The following UGT1A8 variants were observed in gnomAD, a reference collection of about 807,000 sequenced individuals.
The protein encoded by UGT1A8 is UDP glucuronosyltransferase family 1 member A8, also known as UDP-glucuronosyltransferase 1A8.
In UGT1A8, 39 loss-of-function variants were observed where a neutral mutation model predicts 45.3. The observed-to-expected ratio is 0.86, with a 90% CI of 0.67 to 1.12. The LOEUF (loss-of-function observed/expected upper bound fraction) is 1.12, where lower values mean the gene tolerates loss of function less well. UGT1A8 is among the 50% of genes most tolerant of loss of function. The probability of loss-of-function intolerance (pLI) is 0.00; values close to 1 mark genes in which losing one functional copy is unlikely to be tolerated. For missense variants in UGT1A8, 719 were observed against 664.9 expected (o/e 1.08, Z -0.90); for synonymous variants, 275 against 249.2 (o/e 1.10, Z -0.97).
intron 1 of UGT1A8, among the ~76,000 whole-genome samples, chr2:233,652,848 T>C (rs1196688009): frequency 6.6e-6 from 1 of 152,212 alleles, no homozygotes; most frequent in Non-Finnish European, 1.5e-5. Flanking sequence ...AAGCTAGAAG[T>C]GTAAAAGTTT....
chr2:233,705,136 GA>G (rs11336071), intron 1 of UGT1A8, among the ~76,000 whole-genome samples: 79,427 of 142,524 alleles, frequency 0.56, 22,601 homozygotes, highest in African/African-American at 0.75. Flanking sequence ...GACTTCGTCT[GA>G]AAAAAAAAAA....
At chr2:233,671,621 ACCTTCAAGGT>A (rs2074194586) in intron 1 of UGT1A8, among the ~76,000 whole-genome samples, 1 of 152,228 alleles carries the variant, frequency 6.6e-6, no homozygotes, top group Non-Finnish European at 1.5e-5. Flanking sequence ...ATCTTTCTGA[ACCTTCAAGGT>A]CCAAAAGCAT....
intron 1 of UGT1A8, chr2:233,717,919 A>G (rs549898457): frequency 4.4e-6 from 2 of 454,776 alleles, no homozygotes; most frequent in Admixed American, 2.3e-5. Flanking sequence ...GCCTGGATGA[A>G]TGGATACTTC....
intron 1 of UGT1A8, chr2:233,742,079 T>C (rs1691866087): frequency 6.6e-6 from 1 of 151,874 alleles, no homozygotes; most frequent in Non-Finnish European, 1.5e-5. Flanking sequence ...GGAGATCCTT[T>C]TTTTACATTT....
chr2:233,636,696 C>T lies in UGT1A8; in HGVS notation c.855+18134C>T, dbSNP rs1453192033. On this transcript the variant is annotated intron_variant, in intron 1 of 4. Transcript: ENST00000373450. ...TCAGGGGGCATGAGGTGGTTGTAGTCATGCCAGAGGTGAGTTGGCAACTGG... is the reference window on the plus strand; with the variant it reads ...TCAGGGGGCATGAGGTGGTTGTAGTTATGCCAGAGGTGAGTTGGCAACTGG... 6 of 1,614,156 alleles carry T rather than the reference C, an allele frequency of 3.7e-6. No homozygotes were observed. In the African/African-American group the frequency reaches 6.7e-5, roughly 18 times the overall value.
intron 1 of UGT1A8, among the ~76,000 whole-genome samples, chr2:233,637,690 C>A (rs2073338384): frequency 1.3e-5 from 2 of 152,106 alleles, no homozygotes; most frequent in South Asian, 4.2e-4. Context: ...TTCTATGTGA[C>A]CCCGTAGTTG....
chr2:233,735,770 G>A (rs1420645187), intron 1 of UGT1A8, among the ~76,000 whole-genome samples: 1 of 152,120 alleles, frequency 6.6e-6, no homozygotes, highest in Non-Finnish European at 1.5e-5. Flanking sequence ...CACTTATGAA[G>A]CTTACTTTGG....
At chr2:233,620,477 G>A (rs955699005) in intron 1 of UGT1A8, among the ~76,000 whole-genome samples, 10 of 150,336 alleles carry the variant, frequency 6.7e-5, no homozygotes, top group East Asian at 3.9e-4. Context: ...ATATAAAAAA[G>A]TATATATGAT....
intron 1 of UGT1A8, among the ~76,000 whole-genome samples, chr2:233,621,871 C>G (rs1173295310): frequency 1.3e-5 from 2 of 152,114 alleles, no homozygotes; most frequent in South Asian, 2.1e-4. Flanking sequence ...CTAATGCTAT[C>G]CCTTCCTCAG....
At chr2:233,715,853 C>T (rs2076473292) in intron 1 of UGT1A8, among the ~76,000 whole-genome samples, 1 of 152,126 alleles carries the variant, frequency 6.6e-6, no homozygotes, top group Admixed American at 6.5e-5. Context: ...ATATGAAAAG[C>T]TGGGTGCAGT....
intron 1 of UGT1A8, among the ~76,000 whole-genome samples, chr2:233,685,024 T>A (rs1218978440): frequency 6.6e-6 from 1 of 152,190 alleles, no homozygotes; most frequent in East Asian, 1.9e-4. Context: ...TGTGTCTGTA[T>A]GTGCAGGTGT....
intron 1 of UGT1A8, chr2:233,721,915 C>A: frequency 2.4e-6 from 1 of 417,320 alleles, no homozygotes; most frequent in East Asian, 6.7e-5. Context: ...CACACTGCTT[C>A]CATAAAGTGA....
chr2:233,753,792 G>A (rs1695310266), intron 1 of UGT1A8: 1 of 152,134 alleles, frequency 6.6e-6, no homozygotes, highest in African/African-American at 2.4e-5. Context: ...ACATTTCCAG[G>A]ACCTACCATA....
rs779406388 is a variant in UGT1A8, at chr2:233,618,448, C to A, written c.741C>A (p.His247Gln). 3 of 1,613,796 alleles carry A rather than the reference C, an allele frequency of 1.9e-6. No individual in the cohort carries two copies. The African/African-American group carries it at 4.0e-5, about 22-fold the overall frequency. The change falls in exon 1 of 5, where the codon CAC becomes CAA. Residue 247 changes from histidine (H) to glutamine (Q), a missense_variant. Coordinates refer to ENST00000373450, the MANE Select transcript of UGT1A8 (RefSeq NM_019076.5). ...TPVTAYDLYSHTSIWLLRTDF... is the reference protein window; with the variant it reads ...TPVTAYDLYSQTSIWLLRTDF... ...TCACAGCATATGATCTCTACAGCCACACATCAATTTGGTTGTTGCGAACAG... is the reference window on the plus strand; with the variant it reads ...TCACAGCATATGATCTCTACAGCCAAACATCAATTTGGTTGTTGCGAACAG...
At chr2:233,657,470 G>A (rs1308749406) in intron 1 of UGT1A8, among the ~76,000 whole-genome samples, 1 of 152,178 alleles carries the variant, frequency 6.6e-6, no homozygotes, top group Non-Finnish European at 1.5e-5. Context: ...AGGAGGGGTT[G>A]CCAGGATCTT....
chr2:233,766,578 G>C (rs1048038001), intron 1 of UGT1A8, among the ~76,000 whole-genome samples: 1 of 152,134 alleles, frequency 6.6e-6, no homozygotes, highest in Non-Finnish European at 1.5e-5. Flanking sequence ...ACAGGTCTGG[G>C]GGTGGAGCCC....
intron 1 of UGT1A8, among the ~76,000 whole-genome samples, chr2:233,711,092 G>A (rs138181984): frequency 6.6e-6 from 1 of 152,130 alleles, no homozygotes; most frequent in Admixed American, 6.5e-5. Flanking sequence ...AAGTCTATCT[G>A]TGCAGCCCAG....
chr2:233,655,092 A>AG (rs2073827920), intron 1 of UGT1A8, among the ~76,000 whole-genome samples: 1 of 152,210 alleles, frequency 6.6e-6, no homozygotes, highest in South Asian at 2.1e-4. Flanking sequence ...CTCTCTCAAA[A>AG]AAAAGAAAGA....
rs553866736 is a variant in UGT1A8 at position 233,748,743 on chromosome 2, G to A, written c.856-18291G>A. 1.8e-4 allele frequency among the ~76,000 whole-genome samples: 28 copies of A among 151,644 alleles called. No individual in the cohort carries two copies. The South Asian group carries it at 2.7e-3, about 15-fold the overall frequency. The stretch of plus-strand genomic sequence containing the variant: ...ATGATGTGGGGACATCTCAGAGTTC[G>A]GAAGGCATAGTTTTGGTTGCAGGTC... On this transcript the variant is annotated intron_variant, in intron 1 of 4. Transcript: ENST00000373450.
Sources: gnomAD v4.1 joint callset for allele counts (sites outside exome capture counted in the v4.1 genomes callset) on GRCh38, gnomAD v4.1.1 for gene constraint, MANE v1.5 for transcripts, NCBI Gene and HGNC (gene_info 2026-07-23, HGNC 2026-07-21) for gene names.